Variants in HS3ST1 observed in about 807,000 individuals in gnomAD.
HS3ST1 encodes heparan sulfate-glucosamine 3-sulfotransferase 1, also known as heparan sulfate glucosamine 3-O-sulfotransferase 1.
Under a neutral mutation model 20.7 loss-of-function variants are expected in HS3ST1, and 8 were observed. The observed-to-expected ratio is 0.39, with a 90% CI of 0.23 to 0.70. The LOEUF is 0.70. Among genes scored for constraint, HS3ST1 ranks in the 30% least tolerant of loss-of-function variants. The pLI is 0.46. For synonymous variants in HS3ST1, 205 were observed against 190.4 expected (o/e 1.08, Z -0.63); for missense variants, 436 against 423.4 (o/e 1.03, Z -0.26).
chr4:11,415,244 G>A (rs1336741800), intron 1 of HS3ST1, among the ~76,000 whole-genome samples: 1 of 152,206 alleles, frequency 6.6e-6, no homozygotes, highest in South Asian at 2.1e-4. Flanking sequence ...AAAGATCAAA[G>A]CAATCATGTT....
chr4:11,405,989 G>C (rs756222340), intron 1 of HS3ST1, among the ~76,000 whole-genome samples: 19 of 152,214 alleles, frequency 1.2e-4, no homozygotes, highest in Non-Finnish European at 2.5e-4. Flanking sequence ...CCTGCCATCT[G>C]TCTGTCTGCA....
upstream of HS3ST1, among the ~76,000 whole-genome samples, chr4:11,431,195 T>C (rs1381293453): frequency 6.8e-6 from 1 of 146,828 alleles, no homozygotes; most frequent in Admixed American, 7.0e-5. Context: ...CCCAGAATCC[T>C]ACAATCCTGC....
intron 1 of HS3ST1, among the ~76,000 whole-genome samples, chr4:11,400,319 A>C (rs147455638): frequency 6.6e-6 from 1 of 152,082 alleles, no homozygotes; most frequent in Non-Finnish European, 1.5e-5. Context: ...CTTTATGCCA[A>C]CTCCAACTCC....
chr4:11,432,764 A>G (rs1457494965), upstream of HS3ST1, among the ~76,000 whole-genome samples: 1 of 152,198 alleles, frequency 6.6e-6, no homozygotes, highest in Admixed American at 6.5e-5. Context: ...TTGATTTGCT[A>G]ATTAGCTAGA....
chr4:11,409,900 C>G (rs1718573142), intron 1 of HS3ST1, among the ~76,000 whole-genome samples: 1 of 152,222 alleles, frequency 6.6e-6, no homozygotes, highest in Non-Finnish European at 1.5e-5. Context: ...GTGCTGCCAA[C>G]TCTGGCAGAT....
chr4:11,397,197 G>A lies in HS3ST1; in HGVS notation c.*1885C>T, dbSNP rs536948262. 7.2e-5 allele frequency: 11 copies of A among 152,336 alleles called. No individual in the cohort carries two copies. The highest frequency in any genetic ancestry group is 6.8e-3 in the Middle Eastern group (2 of 294). 9.4% of individuals were successfully genotyped at this position (152,336 alleles called of 1,614,324 possible). On this transcript the variant is annotated 3_prime_UTR_variant, in exon 2 of 2. Coordinates refer to ENST00000002596, the MANE Select transcript of HS3ST1 (RefSeq NM_005114.4). ...TATTGAAAAGTACCATGTCCACCAG[G>A]GGCCTGCTGTAAATATTTCTGCTAC...
In HS3ST1 at chr4:11,399,159, T is replaced by A. The variant is rs747769215; in HGVS notation, c.847A>T (p.Asn283Tyr). 6.2e-7 allele frequency: 1 copy of A among 1,614,186 alleles called. No homozygotes were observed. Among genetic ancestry groups the A allele is most frequent in the Non-Finnish European group, 8.5e-7 (1 of 1,180,020 alleles). ...TCATGAAAATATTCGTGCAGTTTAT[T>A]GAGTAGTTTGGGATCGACTTGGGGG... ...AHPQVDPKLL[N>Y]KLHEYFHEPN... The change falls in exon 2 of 2, where the codon AAT becomes TAT. Residue 283 changes from asparagine to tyrosine, a missense_variant. Transcript: ENST00000002596. The surrounding 1 kb of genome is among the most constrained non-coding windows in gnomAD (Gnocchi z 5.1).
chr4:11,415,902 A>G lies in HS3ST1; in HGVS notation c.-109+12797T>C, dbSNP rs58117979. The stretch of plus-strand genomic sequence containing the variant: ...CAAATGACCCAATGACAATGCAGAG[A>G]GAGTGCTTCTGCGGAAATGTGTGCA... On this transcript the variant is annotated intron_variant, in intron 1 of 1. Transcript: ENST00000002596. Among the ~76,000 whole-genome samples, 587 of 152,316 alleles carry G rather than the reference A, an allele frequency of 3.9e-3. 3 individuals are homozygous for G. The highest frequency in any genetic ancestry group is 0.013 in the African/African-American group (540 of 41,570).
At chr4:11,403,364 A>C (rs547887687) in intron 1 of HS3ST1, among the ~76,000 whole-genome samples, 1 of 152,286 alleles carries the variant, frequency 6.6e-6, no homozygotes, top group South Asian at 2.1e-4. Context: ...CACTCTCAGA[A>C]ACAAAAAGAT....
intron 1 of HS3ST1, among the ~76,000 whole-genome samples, chr4:11,404,614 A>G (rs916950910): frequency 6.6e-6 from 1 of 152,250 alleles, no homozygotes; most frequent in Non-Finnish European, 1.5e-5. Flanking sequence ...GAGAAGAACC[A>G]GGAAGGCAGG....
rs938786533 is a variant in HS3ST1 at position 11,394,861 on chromosome 4, T to C, written c.*4221A>G. 6.6e-6 allele frequency: 1 copy of C among 152,178 alleles called. No individual in the cohort carries two copies. The highest frequency in any genetic ancestry group is 1.5e-5 in the Non-Finnish European group (1 of 68,030). 9.4% of individuals were successfully genotyped at this position (152,178 alleles called of 1,614,324 possible). A position where few individuals can be genotyped will look rare whatever the true frequency, so the allele number is the denominator to read the frequency against. On this transcript the variant is annotated 3_prime_UTR_variant, in exon 2 of 2. Transcript: ENST00000002596. ...CTACTTCCTAGGGTTGTTATATAGG[T>C]TAGAAGCAATATATTTAAAATACCA... is the stretch of plus-strand genomic sequence containing the variant.
chr4:11,426,372 C>CCG (rs1577450664), intron 1 of HS3ST1, among the ~76,000 whole-genome samples: 2 of 151,342 alleles, frequency 1.3e-5, no homozygotes, highest in African/African-American at 4.9e-5. Flanking sequence ...GGCCCCCCCC[C>CCG]CAACCCTCAC....
chr4:11,416,924 T>C (rs1718797015), intron 1 of HS3ST1, among the ~76,000 whole-genome samples: 1 of 152,116 alleles, frequency 6.6e-6, no homozygotes, highest in African/African-American at 2.4e-5. Context: ...CTGAACCTGA[T>C]AAGAAAAGGG....
At chr4:11,405,345 C>T (rs1390855337) in intron 1 of HS3ST1, among the ~76,000 whole-genome samples, 1 of 152,114 alleles carries the variant, frequency 6.6e-6, no homozygotes, top group Admixed American at 6.5e-5. Flanking sequence ...TCCTCGAGTC[C>T]CACTGTGAAG....
intron 1 of HS3ST1, among the ~76,000 whole-genome samples, chr4:11,421,336 TAACC>T (rs1205412604): frequency 6.7e-6 from 1 of 150,250 alleles, no homozygotes; most frequent in Non-Finnish European, 1.5e-5. Context: ...CAGAAATCTA[TAACC>T]AACACCCTCC....
rs371896517 is a variant in HS3ST1 at position 11,399,756 on chromosome 4, C to T, written c.250G>A (p.Glu84Lys). Residue 84 changes from glutamate to lysine, a missense_variant, in exon 2 of 2, where the codon GAG becomes AAG. By Grantham distance (56) the Glu-to-Lys change is moderately conservative (BLOSUM62 1). Coordinates refer to ENST00000002596, the MANE Select transcript of HS3ST1 (RefSeq NM_005114.4). The surrounding 1 kb of genome is among the most constrained non-coding windows in gnomAD (Gnocchi z 5.1). ...CAGTCGAAGAAGTGGACCTCGTTCT[C>T]CGCGGCCGCCACGTCGGGGTGCAGG... ...LSLHPDVAAA[E>K]NEVHFFDWEE... The T allele has an allele frequency of 4.9e-5, 79 of 1,613,648 alleles. No homozygotes were observed. The Admixed American group carries it at 8.2e-4, about 17-fold the overall frequency.
chr4:11,411,420 A>G (rs768774740), intron 1 of HS3ST1, among the ~76,000 whole-genome samples: 3 of 152,212 alleles, frequency 2.0e-5, no homozygotes, highest in Non-Finnish European at 4.4e-5. Flanking sequence ...TTAAAGTGTC[A>G]TTCAAGTTGA....
At chr4:11,422,988 A>G (rs770447905) in intron 1 of HS3ST1, among the ~76,000 whole-genome samples, 1 of 128,194 alleles carries the variant, frequency 7.8e-6, no homozygotes, top group East Asian at 2.7e-4. Context: ...ACGCCACTGC[A>G]CTCCAGCCAG....
At chr4:11,429,296 T>TA (rs1719152607), upstream of HS3ST1, 1 of 152,480 alleles carries the variant, frequency 6.6e-6, no homozygotes, top group Non-Finnish European at 1.5e-5. Context: ...TCTACTCCCT[T>TA]ACGCCTGCTT....
Sources: allele counts gnomAD v4.1 joint callset (sites outside exome capture counted in the v4.1 genomes callset), GRCh38; gene constraint gnomAD v4.1.1; non-coding constraint Gnocchi (gnomAD v3.1); transcripts MANE v1.5; gene names NCBI Gene and HGNC (gene_info 2026-07-23, HGNC 2026-07-21).